The following NRG1 variants were observed in gnomAD, a reference collection of about 807,000 sequenced individuals.
NRG1 encodes pro-neuregulin-1, membrane-bound isoform.
Under a neutral mutation model 63.8 loss-of-function variants are expected in NRG1, and 18 were observed. The ratio of observed to expected loss-of-function variants is 0.28; its 90% CI spans 0.19 to 0.42. NRG1 has a LOEUF of 0.42. Ranked by LOEUF, NRG1 falls within the 10% of genes least tolerant of loss-of-function variation. NRG1 has a pLI of 1.00. For synonymous variants in NRG1, 302 were observed against 301.3 expected (o/e 1.00, Z -0.02); for missense variants, 762 against 814.7 (o/e 0.94, Z 0.79).
At chr8:32,659,030 G>A (rs1802176411) in intron 5 of NRG1, among the ~76,000 whole-genome samples, 1 of 152,062 alleles carries the variant, frequency 6.6e-6, no homozygotes, top group Non-Finnish European at 1.5e-5. Flanking sequence ...GATGGTCCTT[G>A]GATTTATAGC....
Position 32,409,875 on chromosome 8 carries a change from C to T in NRG1, c.38-185953C>T, listed in dbSNP as rs141416866. ...AATTGGAAGGGTGATGGAGATGCTC[C>T]GCAACCTTGCTGATGGATTTCTCCC... On this transcript the variant is annotated intron_variant, in intron 1 of 10. Transcript: ENST00000519301. 2.2e-3 allele frequency among the ~76,000 whole-genome samples: 328 copies of T among 152,242 alleles called. 2 individuals carry two copies. Among genetic ancestry groups the T allele is most frequent in the Admixed American group, 5.2e-3 (80 of 15,292 alleles).
intron 1 of NRG1, among the ~76,000 whole-genome samples, chr8:32,075,853 A>G (rs1044209215): frequency 2.0e-5 from 3 of 152,122 alleles, no homozygotes; most frequent in African/African-American, 7.2e-5. Context: ...TTGTGTTCAT[A>G]GTAGAGACGG....
Position 32,358,408 on chromosome 8 carries a change from C to T in NRG1, c.38-237420C>T, listed in dbSNP as rs758599539. ...AAAAAAAAACCATGGGAGTGGTTCT[C>T]CTCTCTGTTATGATAGGGAGAGGTC... On this transcript the variant is annotated intron_variant, in intron 1 of 10. Transcript: ENST00000519301. 3.3e-4 allele frequency among the ~76,000 whole-genome samples: 49 copies of T among 149,734 alleles called. No individual in the cohort carries two copies. The Middle Eastern group carries it at 0.018, about 55-fold the overall frequency.
intron 1 of NRG1, among the ~76,000 whole-genome samples, chr8:31,687,697 G>T (rs1809046658): frequency 6.6e-6 from 1 of 152,232 alleles, no homozygotes; most frequent in Non-Finnish European, 1.5e-5. Context: ...CAATGGAAGA[G>T]AAAAGAATCA....
chr8:31,654,430 A>G (rs1393254396), intron 1 of NRG1, among the ~76,000 whole-genome samples: 1 of 152,262 alleles, frequency 6.6e-6, no homozygotes, highest in Non-Finnish European at 1.5e-5. Flanking sequence ...TTTATTAAAT[A>G]TTGAGAAGAC....
intron 1 of NRG1, among the ~76,000 whole-genome samples, chr8:32,098,397 T>C (rs534643819): frequency 4.1e-4 from 63 of 152,320 alleles, no homozygotes; most frequent in African/African-American, 1.5e-3. Context: ...GTTAGATATA[T>C]GTGGCTGTTA....
At position 32,233,536 on chromosome 8, in the gene NRG1, A is replaced by AATAT. The variant is rs71541806; in HGVS notation, c.38-362267_38-362264dup. Among the ~76,000 whole-genome samples, 857 of 87,984 alleles carry AATAT rather than the reference A, an allele frequency of 9.7e-3. 13 individuals carry two copies. The highest frequency in any genetic ancestry group is 0.031 in the South Asian group (58 of 1,874). The allele number at this position is 87,984 out of a possible 152,430, so 57.7% of individuals were successfully genotyped here. A position where few individuals can be genotyped will look rare whatever the true frequency, so the allele number is the denominator to read the frequency against. On this transcript the variant is annotated intron_variant, in intron 1 of 10. Coordinates refer to the NRG1 transcript ENST00000519301. ...CACACTGTTGCTCATAACTCGAAAGAATATATATATATATATATATATATA... is the reference window on the plus strand; with the variant it reads ...CACACTGTTGCTCATAACTCGAAAGAATATATATATATATATATATATATATATA...
At chr8:31,823,466 A>G (rs1824208752) in intron 1 of NRG1, among the ~76,000 whole-genome samples, 1 of 152,056 alleles carries the variant, frequency 6.6e-6, no homozygotes, top group Non-Finnish European at 1.5e-5. Context: ...TTTATATTAT[A>G]CCACATTTAT....
intron 1 of NRG1, among the ~76,000 whole-genome samples, chr8:31,653,193 A>G (rs1805076663): frequency 1.3e-5 from 2 of 152,116 alleles, no homozygotes; most frequent in African/African-American, 4.8e-5. Flanking sequence ...AAGTTTCTAT[A>G]ATGAATGCAC....
At chr8:32,061,103 T>C (rs1284236221) in intron 1 of NRG1, among the ~76,000 whole-genome samples, 2 of 151,998 alleles carry the variant, frequency 1.3e-5, no homozygotes, top group Non-Finnish European at 2.9e-5. Context: ...TTAAGTTTTG[T>C]GTAAATATTT....
intron 1 of NRG1, among the ~76,000 whole-genome samples, chr8:31,754,591 C>A (rs928390100): frequency 6.6e-6 from 1 of 151,984 alleles, no homozygotes; most frequent in South Asian, 2.1e-4. Flanking sequence ...TTTATAGCAA[C>A]GCAACAATGA....
At chr8:32,221,276 T>G (rs1005929699) in intron 1 of NRG1, 1 of 152,184 alleles carries the variant, frequency 6.6e-6, no homozygotes, top group Non-Finnish European at 1.5e-5. Context: ...TAGCATGCAT[T>G]TTGTCATCCA....
intron 1 of NRG1, among the ~76,000 whole-genome samples, chr8:31,826,340 T>C (rs1343858492): frequency 6.6e-6 from 1 of 152,118 alleles, no homozygotes; most frequent in Non-Finnish European, 1.5e-5. Flanking sequence ...GGTAATTGAA[T>C]CATGGGGGTG....
At chr8:32,574,944 G>C (rs537491285) in intron 1 of NRG1, among the ~76,000 whole-genome samples, 146 of 152,308 alleles carry the variant, frequency 9.6e-4, no homozygotes, top group African/African-American at 3.4e-3. Context: ...GATTGTGAGA[G>C]AATCAGTTAT....
chr8:32,023,353 A>C (rs1025452843), intron 1 of NRG1, among the ~76,000 whole-genome samples: 1 of 152,230 alleles, frequency 6.6e-6, no homozygotes, highest in Non-Finnish European at 1.5e-5. Context: ...ACAAAAGTGG[A>C]ATGAAACTTG....
At chr8:32,233,682 A>G (rs2129469209) in intron 1 of NRG1, among the ~76,000 whole-genome samples, 1 of 150,922 alleles carries the variant, frequency 6.6e-6, no homozygotes, top group East Asian at 2.0e-4. Flanking sequence ...CTCCTGCCTC[A>G]GCCTCCTGAG....
chr8:32,204,711 C>T (rs1171147553), intron 1 of NRG1, among the ~76,000 whole-genome samples: 1 of 152,128 alleles, frequency 6.6e-6, no homozygotes, highest in Non-Finnish European at 1.5e-5. Flanking sequence ...CACATTTAAA[C>T]CCATTGACAT....
intron 1 of NRG1, among the ~76,000 whole-genome samples, chr8:31,796,312 C>A (rs1355888250): frequency 1.3e-5 from 2 of 148,820 alleles, no homozygotes; most frequent in African/African-American, 4.9e-5. Context: ...GGTAGGATAT[C>A]TATCACCCTT....
intron 1 of NRG1, among the ~76,000 whole-genome samples, chr8:32,424,904 CA>C (rs199709330): frequency 1.3e-5 from 2 of 151,436 alleles, no homozygotes; most frequent in African/African-American, 4.8e-5. Flanking sequence ...AACAAAAAAA[CA>C]AAAAAAATTG....
Sources: allele counts gnomAD v4.1 joint callset (sites outside exome capture counted in the v4.1 genomes callset), GRCh38; gene constraint gnomAD v4.1.1; transcripts MANE v1.5; gene names NCBI Gene and HGNC (gene_info 2026-07-23, HGNC 2026-07-21).